Variants in TMEM132B observed in about 807,000 individuals in gnomAD.
TMEM132B encodes the protein transmembrane protein 132B.
TMEM132B carries 18 observed loss-of-function variants against 90.8 expected under a neutral mutation model. That is an observed-to-expected ratio of 0.20 (90% CI 0.14 to 0.29). The LOEUF is 0.29. Among genes scored for constraint, TMEM132B ranks in the 10% least tolerant of loss-of-function variants. The pLI is 1.00. For missense variants in TMEM132B, 1,096 were observed against 1,326.8 expected (o/e 0.83, Z 2.70); for synonymous variants, 504 against 523.3 (o/e 0.96, Z 0.50).
At chr12:125,519,784 C>A (rs150418564) in intron 4 of TMEM132B, among the ~76,000 whole-genome samples, 159 bp downstream of exon 4, 3 of 152,190 alleles carry the variant, frequency 2.0e-5, no homozygotes, top group African/African-American at 7.2e-5. Flanking sequence ...ATAATGGCTC[C>A]TTGGGAACTA....
At chr12:125,388,339 G>T (rs1308398820) in intron 2 of TMEM132B, among the ~76,000 whole-genome samples, 1 of 152,160 alleles carries the variant, frequency 6.6e-6, no homozygotes, top group Admixed American at 6.5e-5. Flanking sequence ...TGAGGCAGGA[G>T]AATTGCTTGA....
At chr12:125,589,861 A>G (rs1885277906) in intron 5 of TMEM132B, among the ~76,000 whole-genome samples, 1 of 152,014 alleles carries the variant, frequency 6.6e-6, no homozygotes, top group Non-Finnish European at 1.5e-5. Context: ...TAGGGATTAC[A>G]ATTCAACATG....
intron 1 of TMEM132B, among the ~76,000 whole-genome samples, chr12:125,244,072 C>T (rs975508403): frequency 2.0e-5 from 3 of 152,128 alleles, no homozygotes; most frequent in Non-Finnish European, 2.9e-5. Context: ...GGTTCACCCA[C>T]GTTGTAGCCT....
At chr12:125,233,602 A>G (rs1873870505) in intron 1 of TMEM132B, among the ~76,000 whole-genome samples, 1 of 152,236 alleles carries the variant, frequency 6.6e-6, no homozygotes, top group South Asian at 2.1e-4. Flanking sequence ...AGCTGCCTCA[A>G]ATAAACTTGG....
At chr12:125,601,063 CAG>C (rs2136919271) in intron 5 of TMEM132B, among the ~76,000 whole-genome samples, 1 of 152,242 alleles carries the variant, frequency 6.6e-6, no homozygotes, top group South Asian at 2.1e-4. Flanking sequence ...ATCAACGAGA[CAG>C]AAAGTTAAAA....
chr12:125,425,151 C>T (rs1172008647), intron 3 of TMEM132B, among the ~76,000 whole-genome samples: 1 of 152,106 alleles, frequency 6.6e-6, no homozygotes, highest in African/African-American at 2.4e-5. Context: ...GTTGCAGTGC[C>T]CCGTTGCTGG....
chr12:125,509,372 T>C (rs907996020), intron 3 of TMEM132B, among the ~76,000 whole-genome samples: 1 of 152,152 alleles, frequency 6.6e-6, no homozygotes, highest in Admixed American at 6.5e-5. Context: ...TCCTTGCTGG[T>C]CCTGTGGTCA....
intron 4 of TMEM132B, among the ~76,000 whole-genome samples, chr12:125,549,413 G>T (rs995883886): frequency 1.3e-5 from 2 of 152,158 alleles, no homozygotes; most frequent in South Asian, 4.1e-4. Context: ...TGGCATCATA[G>T]GTAGGAGGTA....
In TMEM132B at chr12:125,490,325, T is replaced by A. The variant is rs989493743; in HGVS notation, c.1107-29114T>A. Among the ~76,000 whole-genome samples the A allele has an allele frequency of 1.3e-5, 2 of 152,154 alleles. No individual in the cohort carries two copies. The highest frequency in any genetic ancestry group is 2.4e-5 in the African/African-American group (1 of 41,432). ...AAGGTAACTAAAGACAGAAGGGGAA[T>A]TCATACCCGTATCTGCCCAGCCTCA... On this transcript the variant is annotated intron_variant, in intron 3 of 8. Transcript: ENST00000682704. This position sits in a 1 kb window ranked among gnomAD's most constrained non-coding sequence, Gnocchi z 4.2.
chr12:125,517,693 T>C (rs775616480), intron 3 of TMEM132B, among the ~76,000 whole-genome samples: 9 of 152,166 alleles, frequency 5.9e-5, no homozygotes, highest in Non-Finnish European at 1.3e-4. Flanking sequence ...GGATGGTACA[T>C]GAAGTGAGTA....
At chr12:125,405,871 A>G (rs577502749) in intron 2 of TMEM132B, among the ~76,000 whole-genome samples, 22 of 152,236 alleles carry the variant, frequency 1.4e-4, no homozygotes, top group Non-Finnish European at 3.2e-4. Flanking sequence ...CAGCTATTAT[A>G]ATCCACAAAT....
At chr12:125,450,014 T>G in intron 3 of TMEM132B, among the ~76,000 whole-genome samples, 1 of 152,194 alleles carries the variant, frequency 6.6e-6, no homozygotes, top group East Asian at 1.9e-4. Flanking sequence ...GTATTCACAT[T>G]TGTACCTGTA....
intron 1 of TMEM132B, among the ~76,000 whole-genome samples, chr12:125,314,664 CTT>C (rs1317166088): frequency 6.6e-6 from 1 of 152,216 alleles, no homozygotes. Flanking sequence ...GCACAAAGAT[CTT>C]TTCTTCCAGC....
intron 5 of TMEM132B, among the ~76,000 whole-genome samples, chr12:125,608,441 C>G (rs568960632): frequency 6.6e-6 from 1 of 152,084 alleles, no homozygotes; most frequent in Non-Finnish European, 1.5e-5. Context: ...TTCTCAGTTT[C>G]GAGGTCTCTT....
chr12:125,388,359 G>T (rs1369836183), intron 2 of TMEM132B, among the ~76,000 whole-genome samples: 1 of 152,146 alleles, frequency 6.6e-6, no homozygotes, highest in Non-Finnish European at 1.5e-5. Context: ...AACCCAGGAG[G>T]CAGAGGTTGC....
At chr12:125,512,159 G>A (rs1270038183) in intron 3 of TMEM132B, among the ~76,000 whole-genome samples, 1 of 152,190 alleles carries the variant, frequency 6.6e-6, no homozygotes, top group East Asian at 1.9e-4. Flanking sequence ...ACAAATGTCC[G>A]CAGGGACTTG....
At chr12:125,514,199 C>A (rs945174538) in intron 3 of TMEM132B, among the ~76,000 whole-genome samples, 1 of 152,108 alleles carries the variant, frequency 6.6e-6, no homozygotes, top group Non-Finnish European at 1.5e-5. Context: ...AAACGCCACA[C>A]GCCCCCCACC....
At chr12:125,501,408 A>G (rs1327250102) in intron 3 of TMEM132B, among the ~76,000 whole-genome samples, 1 of 152,230 alleles carries the variant, frequency 6.6e-6, no homozygotes, top group African/African-American at 2.4e-5. Flanking sequence ...GTACATGTGC[A>G]GAATGTGTGG....
rs191230062 is a variant in TMEM132B, at chr12:125,645,091, G to A, written c.1643+810G>A. Among the ~76,000 whole-genome samples, 400 of 151,962 alleles carry A rather than the reference G, an allele frequency of 2.6e-3. 1 individual carries two copies. The highest frequency in any genetic ancestry group is 4.1e-3 in the Non-Finnish European group (276 of 67,966). Reference sequence around the variant, plus strand: ...AAAATAGCTGGGCGTGGTGGTGGGCGCCTATAGTCCCAGCTACTCGGGAAG... The same window carrying A: ...AAAATAGCTGGGCGTGGTGGTGGGCACCTATAGTCCCAGCTACTCGGGAAG... On this transcript the variant is annotated intron_variant, in intron 6 of 8. Coordinates refer to ENST00000682704, the MANE Select transcript of TMEM132B (RefSeq NM_001366854.1).
Sources: gnomAD v4.1 joint callset for allele counts (sites outside exome capture counted in the v4.1 genomes callset) on GRCh38, gnomAD v4.1.1 for gene constraint, Gnocchi (gnomAD v3.1) non-coding constraint, MANE v1.5 for transcripts, NCBI Gene and HGNC (gene_info 2026-07-23, HGNC 2026-07-21) for gene names.